CCDC92B: variants seen among roughly 807,000 people sequenced by gnomAD.
The protein encoded by CCDC92B is coiled-coil domain-containing 92B.
A neutral mutation model predicts 5.6 loss-of-function variants in CCDC92B; 2 were observed. The observed-to-expected ratio is 0.36, with a 90% CI of 0.15 to 1.12. CCDC92B has a LOEUF of 1.12. Among genes scored for constraint, CCDC92B ranks in the 50% most tolerant of loss-of-function variants. CCDC92B has a pLI of 0.40. For synonymous variants in CCDC92B, 115 were observed against 122.3 expected (o/e 0.94, Z 0.39); for missense variants, 271 against 262.2 (o/e 1.03, Z -0.23).
At chr17:2,733,161 T>C (rs1428048404) in intron 2 of CCDC92B, among the ~76,000 whole-genome samples, 1 of 151,304 alleles carries the variant, frequency 6.6e-6, no homozygotes, top group Non-Finnish European at 1.5e-5. Context: ...CATTTTGGGA[T>C]CTGGCCCGTG....
At chr17:2,743,168 G>T (rs2070941940) in intron 1 of CCDC92B, among the ~76,000 whole-genome samples, 1 of 152,162 alleles carries the variant, frequency 6.6e-6, no homozygotes, top group South Asian at 2.1e-4. Flanking sequence ...GGTGGCTCAC[G>T]CCTGTCATCC....
At chr17:2,725,490 T>G (rs1350522367) in intron 3 of CCDC92B, among the ~76,000 whole-genome samples, 1 of 151,658 alleles carries the variant, frequency 6.6e-6, no homozygotes, top group Non-Finnish European at 1.5e-5. Flanking sequence ...TCAGTGGCCT[T>G]CCTTGTTCCG....
Position 2,721,389 on chromosome 17 carries a change from G to A in CCDC92B, c.*3022C>T, listed in dbSNP as rs576679673. Reference sequence around the variant, plus strand: ...CAATGGGGATTCGTGCAGCAGAGGAGAGAGAAATGCAGTCCTTTCCCTTCT... The same window carrying A: ...CAATGGGGATTCGTGCAGCAGAGGAAAGAGAAATGCAGTCCTTTCCCTTCT... On this transcript the variant is annotated 3_prime_UTR_variant, in exon 4 of 4. Transcript: ENST00000614400. The A allele has an allele frequency of 2.0e-5, 3 of 152,468 alleles. No individual in the cohort carries two copies. Among genetic ancestry groups the A allele is most frequent in the South Asian group, 2.1e-4 (1 of 4,832 alleles). 9.4% of individuals were successfully genotyped at this position (152,468 alleles called of 1,614,324 possible). A position where few individuals can be genotyped will look rare whatever the true frequency, so the allele number is the denominator to read the frequency against.
chr17:2,726,240 C>T (rs1255450857), intron 3 of CCDC92B, among the ~76,000 whole-genome samples: 1 of 150,300 alleles, frequency 6.7e-6, no homozygotes, highest in Non-Finnish European at 1.5e-5. Context: ...TGCAGTGGCG[C>T]AATCTTGGCT....
intron 2 of CCDC92B, among the ~76,000 whole-genome samples, chr17:2,732,391 C>G (rs1217552200): frequency 6.6e-6 from 1 of 152,182 alleles, no homozygotes; most frequent in Non-Finnish European, 1.5e-5. Flanking sequence ...AGTGGCTGCT[C>G]TAGCCTAGCC....
intron 3 of CCDC92B, among the ~76,000 whole-genome samples, chr17:2,725,441 A>C (rs2070717370): frequency 6.6e-6 from 1 of 151,508 alleles, no homozygotes; most frequent in Admixed American, 6.6e-5. Flanking sequence ...CCCCACCTGC[A>C]CGTCCTACCG....
At chr17:2,732,176 C>T (rs2070801088) in intron 2 of CCDC92B, among the ~76,000 whole-genome samples, 1 of 152,204 alleles carries the variant, frequency 6.6e-6, no homozygotes, top group Non-Finnish European at 1.5e-5. Flanking sequence ...AACGTACCCA[C>T]CTCTCAAGCC....
intron 2 of CCDC92B, among the ~76,000 whole-genome samples, chr17:2,733,918 C>T (rs1385598879): frequency 6.6e-6 from 1 of 151,570 alleles, no homozygotes; most frequent in African/African-American, 2.4e-5. Flanking sequence ...ACCACCACGC[C>T]TGGCTAATTT....
At position 2,724,387 on chromosome 17, in the gene CCDC92B, G is replaced by A. The variant is rs2151735866; in HGVS notation, c.*24C>T. The A allele has an allele frequency of 2.0e-6, 2 of 984,888 alleles. No homozygotes were observed. The highest frequency in any genetic ancestry group is 2.4e-6 in the Non-Finnish European group (2 of 829,776). 61.0% of individuals were successfully genotyped at this position (984,888 alleles called of 1,614,324 possible). A position where few individuals can be genotyped will look rare whatever the true frequency, so the allele number is the denominator to read the frequency against. On this transcript the variant is annotated 3_prime_UTR_variant, in exon 4 of 4. Coordinates refer to ENST00000614400, the MANE Select transcript of CCDC92B (RefSeq NM_001355573.2). The surrounding 1 kb of genome is among the most constrained non-coding windows in gnomAD (Gnocchi z 5.0). ...CTGGCCGGCCCTCCCCGTCCGTCCC[G>A]CGTCACCCCGGCCAGCCTGGCGCCT...
chr17:2,730,521 T>TGTGTGTGTGTGTGTG (rs2070779933), intron 2 of CCDC92B, 28 bp from the exon 3 acceptor site: 5 of 306,178 alleles, frequency 1.6e-5, no homozygotes, highest in Admixed American at 1.3e-4. Flanking sequence ...AAAAGGCAGT[T>TGTGTGTGTGTGTGTG]TGTGTGTGTG....
intron 1 of CCDC92B, among the ~76,000 whole-genome samples, chr17:2,738,548 G>A (rs368534932): frequency 2.6e-5 from 4 of 151,706 alleles, no homozygotes; most frequent in African/African-American, 9.7e-5. Context: ...CGAGGCGGGC[G>A]GATCACGAGG....
At chr17:2,737,835 C>T (rs1211819758) in intron 1 of CCDC92B, among the ~76,000 whole-genome samples, 1 of 151,850 alleles carries the variant, frequency 6.6e-6, no homozygotes, top group Non-Finnish European at 1.5e-5. Flanking sequence ...GGATCGCTGG[C>T]TACATGTGCT....
At chr17:2,739,101 C>T (rs1053797331) in intron 1 of CCDC92B, among the ~76,000 whole-genome samples, 3 of 151,462 alleles carry the variant, frequency 2.0e-5, no homozygotes, top group Non-Finnish European at 4.4e-5. Context: ...GGCGCAATGG[C>T]TCACGCCTGT....
chr17:2,729,494 CAAAAAAAA>C (rs34350398), intron 3 of CCDC92B, among the ~76,000 whole-genome samples: 1 of 114,284 alleles, frequency 8.8e-6, no homozygotes, highest in Non-Finnish European at 1.7e-5. Flanking sequence ...GACTCCGTCT[CAAAAAAAA>C]AAAAAAAAAA....
intron 3 of CCDC92B, among the ~76,000 whole-genome samples, chr17:2,729,555 C>G: frequency 6.6e-6 from 1 of 150,644 alleles, no homozygotes; most frequent in East Asian, 2.0e-4. Flanking sequence ...CGTTATACTT[C>G]AGAGACAATG....
intron 1 of CCDC92B, among the ~76,000 whole-genome samples, chr17:2,748,988 T>A (rs11871896): frequency 0.054 from 8,182 of 151,736 alleles, 313 homozygotes; most frequent in East Asian, 0.21. Context: ...GGGAATGGGG[T>A]GTATGGGGAA....
At chr17:2,727,838 C>T (rs1450540334) in intron 3 of CCDC92B, among the ~76,000 whole-genome samples, 2 of 134,626 alleles carry the variant, frequency 1.5e-5, no homozygotes, top group African/African-American at 2.7e-5. Context: ...AAAAAAAAAA[C>T]GAAAGAGGAC....
At chr17:2,725,139 G>A in intron 3 of CCDC92B, 139 bp from the exon 4 acceptor site, 2 of 981,170 alleles carry the variant, frequency 2.0e-6, no homozygotes, top group Non-Finnish European at 2.4e-6. Flanking sequence ...TTGGGAGGCC[G>A]AGATGGGCAG....
At chr17:2,725,155 C>G (rs1158993173) in intron 3 of CCDC92B, among the ~76,000 whole-genome samples, 155 bp from the exon 4 acceptor site, 1 of 152,086 alleles carries the variant, frequency 6.6e-6, no homozygotes, top group African/African-American at 2.4e-5. Flanking sequence ...GGCAGATGGA[C>G]TTGAGGTCAG....
Sources: gnomAD v4.1 joint callset for allele counts (sites outside exome capture counted in the v4.1 genomes callset) on GRCh38, gnomAD v4.1.1 for gene constraint, Gnocchi (gnomAD v3.1) non-coding constraint, MANE v1.5 for transcripts, NCBI Gene and HGNC (gene_info 2026-07-23, HGNC 2026-07-21) for gene names.